The following HIVEP3 variants were observed in gnomAD, a reference collection of about 807,000 sequenced individuals.
HIVEP3 encodes transcription factor HIVEP3.
In HIVEP3, 49 loss-of-function variants were observed where a neutral mutation model predicts 152.8. The ratio of observed to expected loss-of-function variants is 0.32; its 90% confidence interval spans 0.26 to 0.41. The LOEUF is 0.41. Among genes scored for constraint, HIVEP3 ranks in the 10% least tolerant of loss-of-function variants. HIVEP3 has a pLI of 1.00. For missense variants in HIVEP3, 2,790 were observed against 3,103.3 expected (o/e 0.90, Z 2.40); for synonymous variants, 1,269 against 1,289.0 (o/e 0.98, Z 0.33).
At chr1:41,652,178 G>A (rs762783436) in intron 2 of HIVEP3, among the ~76,000 whole-genome samples, 4 of 152,200 alleles carry the variant, frequency 2.6e-5, no homozygotes, top group Non-Finnish European at 4.4e-5. Context: ...GCCAGAGTCT[G>A]AAGGACTAGC....
chr1:41,687,675 A>T (rs919585617), intron 2 of HIVEP3, among the ~76,000 whole-genome samples: 1 of 152,254 alleles, frequency 6.6e-6, no homozygotes, highest in Non-Finnish European at 1.5e-5. Flanking sequence ...GTGCCCCTTC[A>T]TCATCTGAGA....
chr1:41,655,023 T>C (rs949053712), intron 2 of HIVEP3, among the ~76,000 whole-genome samples: 15 of 152,328 alleles, frequency 9.8e-5, no homozygotes, highest in Admixed American at 8.5e-4. Flanking sequence ...TAAAGCCCTG[T>C]CCCATGCAGC....
chr1:41,523,038 A>C (rs1319442554), intron 6 of HIVEP3, among the ~76,000 whole-genome samples: 1 of 139,092 alleles, frequency 7.2e-6, no homozygotes, highest in Non-Finnish European at 1.6e-5. Context: ...CAGCATTAAC[A>C]GTTATTCTGT....
chr1:41,646,351 T>A (rs1645459276), intron 2 of HIVEP3, among the ~76,000 whole-genome samples: 1 of 152,218 alleles, frequency 6.6e-6, no homozygotes, highest in African/African-American at 2.4e-5. Flanking sequence ...CCCTTCAGCA[T>A]GCGGACACAG....
chr1:41,791,117 T>G (rs1389234389), intron 1 of HIVEP3, among the ~76,000 whole-genome samples: 2 of 128,086 alleles, frequency 1.6e-5, no homozygotes, highest in East Asian at 2.2e-4. Context: ...CAGGCACACA[T>G]GTGTACACAC....
At position 41,566,282 on chromosome 1, in the gene HIVEP3, G is replaced by C. The variant is rs188122849; in HGVS notation, c.5207+9262C>G. Among the ~76,000 whole-genome samples, 54 of 152,284 alleles carry C rather than the reference G, an allele frequency of 3.5e-4. 1 individual carries two copies. Among genetic ancestry groups the C allele is most frequent in the African/African-American group, 1.3e-3 (53 of 41,558 alleles). ...GGAATAGTGAAAAGAGGCCTGGAAT[G>C]GGGCTGAGAGAATCCTCCCCACTGC... is the stretch of plus-strand genomic sequence containing the variant. On this transcript the variant is annotated intron_variant, in intron 5 of 8. Transcript: ENST00000372583.
chr1:41,920,702 G>A (rs1457061317), upstream of HIVEP3, among the ~76,000 whole-genome samples: 2 of 152,152 alleles, frequency 1.3e-5, no homozygotes, highest in Admixed American at 6.5e-5. Context: ...AATTCAGAAG[G>A]TGATTCGAGT....
intron 1 of HIVEP3, chr1:41,848,568 G>C (rs1436202954): frequency 3.3e-5 from 5 of 152,350 alleles, no homozygotes; most frequent in Admixed American, 2.6e-4. Context: ...AATAGGAAGC[G>C]AGGGAGGGGA....
At chr1:41,953,500 G>A (rs1645121951) in intron 1 of HIVEP3, among the ~76,000 whole-genome samples, 1 of 152,216 alleles carries the variant, frequency 6.6e-6, no homozygotes, top group African/African-American at 2.4e-5. Flanking sequence ...CTCAGAACAT[G>A]TTACTTCTTG....
chr1:41,610,555 G>A (rs975857737), intron 3 of HIVEP3, among the ~76,000 whole-genome samples: 1 of 152,130 alleles, frequency 6.6e-6, no homozygotes, highest in African/African-American at 2.4e-5. Flanking sequence ...AGAGAGGGAC[G>A]GTTCCTGCAA....
intron 1 of HIVEP3, among the ~76,000 whole-genome samples, chr1:41,938,467 T>C (rs1226011114): frequency 1.3e-5 from 2 of 152,028 alleles, no homozygotes; most frequent in Non-Finnish European, 2.9e-5. Context: ...CAGGGGAAGA[T>C]GAAGTAATGG....
intron 2 of HIVEP3, among the ~76,000 whole-genome samples, chr1:41,681,981 T>C (rs1646046700): frequency 6.6e-6 from 1 of 152,180 alleles, no homozygotes; most frequent in Non-Finnish European, 1.5e-5. Flanking sequence ...TTTCCCTGGC[T>C]ATTACATAAT....
intron 1 of HIVEP3, among the ~76,000 whole-genome samples, chr1:42,002,708 G>A (rs1645435049): frequency 6.6e-6 from 1 of 152,158 alleles, no homozygotes; most frequent in South Asian, 2.1e-4. Context: ...CAGTCAGATG[G>A]ACCCCTGGGG....
intron 1 of HIVEP3, among the ~76,000 whole-genome samples, chr1:41,701,375 T>C (rs1646359561): frequency 6.6e-6 from 1 of 152,254 alleles, no homozygotes; most frequent in South Asian, 2.1e-4. Flanking sequence ...TATTCATTCA[T>C]TCATGCAAGC....
At chr1:41,785,015 C>T (rs916206412) in intron 1 of HIVEP3, among the ~76,000 whole-genome samples, 45 of 152,152 alleles carry the variant, frequency 3.0e-4, no homozygotes, top group African/African-American at 8.9e-4. Context: ...TGAGATCCCC[C>T]AAGAGGGCAG....
chr1:41,797,804 T>C (rs914421391), intron 1 of HIVEP3, among the ~76,000 whole-genome samples: 1 of 152,084 alleles, frequency 6.6e-6, no homozygotes, highest in Non-Finnish European at 1.5e-5. Flanking sequence ...CTGGCCAACA[T>C]GGTGAAACCC....
At chr1:41,859,947 A>G (rs1453504551) in intron 1 of HIVEP3, among the ~76,000 whole-genome samples, 1 of 152,238 alleles carries the variant, frequency 6.6e-6, no homozygotes, top group Non-Finnish European at 1.5e-5. Flanking sequence ...GTGGTTGCCC[A>G]TCAGGGAACT....
chr1:41,825,122 C>T (rs1260497896), intron 1 of HIVEP3, among the ~76,000 whole-genome samples: 2 of 151,882 alleles, frequency 1.3e-5, no homozygotes, highest in Non-Finnish European at 2.9e-5. Flanking sequence ...AAGGAGTCAG[C>T]GAAGAGTGGT....
chr1:41,963,518 T>C (rs1338345654), intron 1 of HIVEP3, among the ~76,000 whole-genome samples: 1 of 66,614 alleles, frequency 1.5e-5, no homozygotes, highest in Non-Finnish European at 3.1e-5. Flanking sequence ...GGGCCTGTTG[T>C]GGGGTGGGGG....
Sources: allele counts gnomAD v4.1 joint callset (sites outside exome capture counted in the v4.1 genomes callset), GRCh38; gene constraint gnomAD v4.1.1; transcripts MANE v1.5; gene names NCBI Gene and HGNC (gene_info 2026-07-23, HGNC 2026-07-21).